CHCHD3: variants seen among roughly 807,000 people sequenced by gnomAD.
CHCHD3 encodes the protein MICOS complex subunit MIC19.
A neutral mutation model predicts 38.2 loss-of-function variants in CHCHD3; 20 were observed. The ratio of observed to expected loss-of-function variants is 0.52; its 90% CI spans 0.37 to 0.76. CHCHD3 has a LOEUF of 0.76. CHCHD3 is among the 30% of genes least tolerant of loss of function. The pLI, the probability that CHCHD3 is intolerant of heterozygous loss-of-function variation, is 0.00. For synonymous variants in CHCHD3, 82 were observed against 100.0 expected, an observed-to-expected ratio of 0.82 and a Z score of 1.07; for missense variants, 245 against 279.2, an observed-to-expected ratio of 0.88 and a Z score of 0.87.
At chr7:133,057,073 G>C (rs57675453) in intron 2 of CHCHD3, among the ~76,000 whole-genome samples, 3,304 of 152,260 alleles carry the variant, frequency 0.022, 112 homozygotes, top group African/African-American at 0.075. Context: ...ATCACTGCCA[G>C]TAAAGCACAG....
intron 6 of CHCHD3, among the ~76,000 whole-genome samples, chr7:132,829,538 G>A (rs1807587815): frequency 6.6e-6 from 1 of 152,114 alleles, no homozygotes; most frequent in Non-Finnish European, 1.5e-5. Flanking sequence ...CCACAAGAAT[G>A]GTTTGATCAT....
chr7:133,059,596 C>T (rs1177816676), intron 2 of CHCHD3, among the ~76,000 whole-genome samples: 2 of 152,140 alleles, frequency 1.3e-5, no homozygotes, highest in South Asian at 2.1e-4. Context: ...AATCCAGAGC[C>T]CCGCTCCCTA....
intron 5 of CHCHD3, among the ~76,000 whole-genome samples, chr7:132,856,997 C>T (rs1808356151): frequency 6.6e-6 from 1 of 152,166 alleles, no homozygotes. Context: ...GACAAGCTTG[C>T]TGCAGTTTTT....
At position 132,792,720 on chromosome 7, in the gene CHCHD3, G is replaced by A. The variant is rs142300354; in HGVS notation, c.660+3722C>T. Among the ~76,000 whole-genome samples the A allele has an allele frequency of 3.5e-4, 53 of 152,290 alleles. No individual in the cohort carries two copies. In the East Asian group the frequency reaches 8.7e-3, roughly 25 times the overall value. ...ATAACAGAGCTAGATGGCCCTCATG[G>A]ATCACCTGGTTCAAACCTTCAGTTT... On this transcript the variant is annotated intron_variant, in intron 7 of 7. Transcript: ENST00000262570.
At chr7:133,039,070 G>A (rs1446959249) in intron 2 of CHCHD3, among the ~76,000 whole-genome samples, 4 of 152,162 alleles carry the variant, frequency 2.6e-5, no homozygotes, top group African/African-American at 9.7e-5. Context: ...TGCTCACTGA[G>A]GTTTTGTGGA....
chr7:132,983,541 G>A (rs1370349553), intron 3 of CHCHD3, among the ~76,000 whole-genome samples: 9 of 152,196 alleles, frequency 5.9e-5, no homozygotes, highest in African/African-American at 2.2e-4. Flanking sequence ...TTAACACACT[G>A]TGATGCTAAT....
intron 4 of CHCHD3, among the ~76,000 whole-genome samples, chr7:132,937,775 A>G (rs1334105049): frequency 6.6e-6 from 1 of 152,198 alleles, no homozygotes; most frequent in African/African-American, 2.4e-5. Flanking sequence ...ACGTTTACAA[A>G]CAGCAATTTA....
At chr7:132,895,236 A>G (rs1809464624) in intron 4 of CHCHD3, among the ~76,000 whole-genome samples, 1 of 152,212 alleles carries the variant, frequency 6.6e-6, no homozygotes, top group Non-Finnish European at 1.5e-5. Context: ...ATCCCTAAAA[A>G]GCTCTGTATC....
intron 2 of CHCHD3, among the ~76,000 whole-genome samples, chr7:133,028,618 G>A (rs532304116): frequency 6.6e-6 from 1 of 152,218 alleles, no homozygotes; most frequent in South Asian, 2.1e-4. Flanking sequence ...CAGGTGCGGT[G>A]GCTCACGCCT....
chr7:132,870,801 T>C (rs189127151), intron 5 of CHCHD3, among the ~76,000 whole-genome samples: 1 of 152,280 alleles, frequency 6.6e-6, no homozygotes, highest in African/African-American at 2.4e-5. Context: ...TAATCATAAC[T>C]AGGTAAATAG....
chr7:132,863,837 G>C (rs946503753), intron 5 of CHCHD3, among the ~76,000 whole-genome samples: 1 of 152,186 alleles, frequency 6.6e-6, no homozygotes, highest in Non-Finnish European at 1.5e-5. Flanking sequence ...ACCTGTGATA[G>C]CTTCCAATGC....
chr7:133,081,719 T>C (rs1185256407), intron 1 of CHCHD3, 138 bp downstream of exon 1: 1 of 794,858 alleles, frequency 1.3e-6, no homozygotes, highest in East Asian at 2.7e-5. Context: ...TCTAGGCTTC[T>C]TCCCAGACAC....
chr7:132,794,931 G>A (rs996911937), intron 7 of CHCHD3, among the ~76,000 whole-genome samples: 2 of 152,188 alleles, frequency 1.3e-5, no homozygotes, highest in African/African-American at 4.8e-5. Context: ...TCACTATCGC[G>A]CCATGTGGCG....
rs141070862 is a variant in CHCHD3 at position 132,868,992 on chromosome 7, G to A, written c.453+16670C>T. 7.9e-5 allele frequency among the ~76,000 whole-genome samples: 12 copies of A among 152,056 alleles called. No homozygotes were observed. In the East Asian group the frequency reaches 1.5e-3, roughly 20 times the overall value. On this transcript the variant is annotated intron_variant, in intron 5 of 7. Coordinates refer to ENST00000262570, the MANE Select transcript of CHCHD3 (RefSeq NM_017812.4). ...AATATAACTCAGTCTGTACTTACTCGATGTTAACAACAACAAAAAAAAACT... is the reference window on the plus strand; with the variant it reads ...AATATAACTCAGTCTGTACTTACTCAATGTTAACAACAACAAAAAAAAACT...
At chr7:132,987,550 C>CGAAACAGCATGGTGATGAGTGCT (rs1812153119) in intron 3 of CHCHD3, among the ~76,000 whole-genome samples, 2 of 151,942 alleles carry the variant, frequency 1.3e-5, no homozygotes, top group Non-Finnish European at 2.9e-5. Flanking sequence ...TGATGAGTGC[C>CGAAACAGCATGGTGATGAGTGCT]TTCGAAACAG....
At chr7:133,050,212 G>A (rs188325179) in intron 2 of CHCHD3, among the ~76,000 whole-genome samples, 21 of 151,866 alleles carry the variant, frequency 1.4e-4, no homozygotes, top group Middle Eastern at 3.4e-3. Context: ...GTGTGGTGCT[G>A]CATGTCTGTA....
At chr7:133,054,767 C>T (rs1268322909) in intron 2 of CHCHD3, among the ~76,000 whole-genome samples, 1 of 152,152 alleles carries the variant, frequency 6.6e-6, no homozygotes, top group Non-Finnish European at 1.5e-5. Flanking sequence ...TAAATGGGAT[C>T]ATTTAGTATG....
intron 7 of CHCHD3, among the ~76,000 whole-genome samples, chr7:132,793,549 CT>C (rs1806520863): frequency 6.6e-6 from 1 of 152,120 alleles, no homozygotes; most frequent in Non-Finnish European, 1.5e-5. Context: ...TGAAGAAACA[CT>C]GATATGAATA....
Position 133,035,333 on chromosome 7 carries a change from G to T in CHCHD3, c.170-10706C>A. The T allele has an allele frequency of 1.2e-6, 2 of 1,610,694 alleles. No homozygotes were observed. Among genetic ancestry groups the T allele is most frequent in the Non-Finnish European group, 1.7e-6 (2 of 1,176,926 alleles). On this transcript the variant is annotated intron_variant, in intron 2 of 7. Transcript: ENST00000262570. This position sits in a 1 kb window ranked among gnomAD's most constrained non-coding sequence, Gnocchi z 4.7. ...CCAAGACAGCCCGGAACTGGGGCTGGTTAATGCAGGTGAGGAACCAGCGGT... is the reference window on the plus strand; with the variant it reads ...CCAAGACAGCCCGGAACTGGGGCTGTTTAATGCAGGTGAGGAACCAGCGGT...
Sources: allele counts gnomAD v4.1 joint callset (sites outside exome capture counted in the v4.1 genomes callset), GRCh38; gene constraint gnomAD v4.1.1; non-coding constraint Gnocchi (gnomAD v3.1); transcripts MANE v1.5; gene names NCBI Gene and HGNC (gene_info 2026-07-23, HGNC 2026-07-21).